Variants in CFHR4 observed in about 807,000 individuals in gnomAD.
CFHR4 encodes the protein complement factor H-related protein 4.
CFHR4 carries 64 observed loss-of-function variants against 69.3 expected under a neutral mutation model. That is an observed-to-expected ratio of 0.92 (90% CI 0.76 to 1.14). The LOEUF (loss-of-function observed/expected upper bound fraction) is 1.14. CFHR4 is among the 50% of genes most tolerant of loss of function. The pLI is 0.00. For synonymous variants in CFHR4, 244 were observed against 237.0 expected (o/e 1.03, Z -0.27); for missense variants, 636 against 684.9 (o/e 0.93, Z 0.80).
Position 196,907,450 on chromosome 1 carries a change from T to C in CFHR4, c.751T>C (p.Tyr251His). The change falls in exon 5 of 10, where the codon TAT (tyrosine) becomes CAT (histidine). Residue 251 changes from tyrosine (Y) to histidine (H), a missense_variant. By Grantham distance (83) the Tyr-to-His change is moderately conservative. Transcript: ENST00000608469. ...CTACTATGAACTTCAGGGTTCTAAA[T>C]ATGTAACATGTAGTAATGGAGACTG... ...QSYYELQGSK[Y>H]VTCSNGDWSE... 1 of 1,612,238 alleles carries C rather than the reference T, an allele frequency of 6.2e-7. No homozygotes were observed. Among genetic ancestry groups the C allele is most frequent in the Non-Finnish European group, 8.5e-7 (1 of 1,179,180 alleles).
intron 6 of CFHR4, among the ~76,000 whole-genome samples, chr1:196,911,224 G>T (rs1162551844): frequency 3.3e-5 from 5 of 151,502 alleles, no homozygotes; most frequent in Non-Finnish European, 5.9e-5. Flanking sequence ...CTAGCTTTCA[G>T]TTCCAAATGT....
At chr1:196,893,385 A>G (rs146467035) in intron 1 of CFHR4, among the ~76,000 whole-genome samples, 21 of 151,676 alleles carry the variant, frequency 1.4e-4, no homozygotes, top group African/African-American at 5.1e-4. Flanking sequence ...GGTGACCTTT[A>G]CAGATATTGC....
Position 196,905,008 on chromosome 1 carries a change from G to A in CFHR4, c.257-100G>A. The A allele has an allele frequency of 2.7e-6, 3 of 1,118,910 alleles. No individual in the cohort carries two copies. In the South Asian group the frequency reaches 5.2e-5, roughly 19 times the overall value. 69.3% of individuals were successfully genotyped at this position (1,118,910 alleles called of 1,614,324 possible). On this transcript the variant is annotated intron_variant, in intron 2 of 9. Coordinates refer to ENST00000608469, the MANE Select transcript of CFHR4 (RefSeq NM_001201550.3). ...TGCTGTTTTCAATTCATTAACAGATGTTTCATTGTTTCACCATACTGCCAT... is the reference window on the plus strand; with the variant it reads ...TGCTGTTTTCAATTCATTAACAGATATTTCATTGTTTCACCATACTGCCAT...
chr1:196,894,800 C>A (rs1439549208), intron 1 of CFHR4, among the ~76,000 whole-genome samples: 1 of 151,150 alleles, frequency 6.6e-6, no homozygotes, highest in African/African-American at 2.4e-5. Flanking sequence ...TCCTGTAACG[C>A]CAGCACTTTG....
Position 196,905,145 on chromosome 1 carries a change from A to G in CFHR4, c.294A>G (p.Gly98=), listed in dbSNP as rs778309042. 4 of 1,604,160 alleles carry G rather than the reference A, an allele frequency of 2.5e-6. No individual in the cohort carries two copies. In the African/African-American group the frequency reaches 5.4e-5, roughly 22 times the overall value. ...AATCAGATGTAGAAATTGAAAATGG[A>G]TTCATTTCTGAATCTTCCTCTATTT... The part of the protein sequence containing the change: ...CSKSDVEIEN[G]FISESSSIYI... Residue 98 remains glycine (G), a synonymous_variant, in exon 3 of 10, where the codon GGA becomes GGG. Coordinates refer to ENST00000608469, the MANE Select transcript of CFHR4 (RefSeq NM_001201550.3).
chr1:196,903,670 CAT>C (rs577170168), intron 2 of CFHR4, among the ~76,000 whole-genome samples: 94 of 149,692 alleles, frequency 6.3e-4, no homozygotes, highest in African/African-American at 2.0e-3. Context: ...GAAAAAAACA[CAT>C]ATATATATAT....
Position 196,910,322 on chromosome 1 carries a change from C to A in CFHR4, c.841C>A (p.Leu281Ile). The change falls in exon 6 of 10, where the codon CTA (leucine) becomes ATA (isoleucine). Residue 281 changes from leucine to isoleucine, a missense_variant. Coordinates refer to ENST00000608469, the MANE Select transcript of CFHR4 (RefSeq NM_001201550.3). ...GTTTCCAGAAATTCAACATGGACAT[C>A]TATATTATGAGAATACGCGTAGACC... ...CEFPEIQHGHLYYENTRRPYF... is the reference protein window; with the variant it reads ...CEFPEIQHGHIYYENTRRPYF... The A allele has an allele frequency of 6.2e-7, 1 of 1,607,810 alleles. No homozygotes were observed. Among genetic ancestry groups the A allele is most frequent in the Non-Finnish European group, 8.5e-7 (1 of 1,176,922 alleles).
chr1:196,906,783 T>C, intron 3 of CFHR4, 78 bp from the exon 4 acceptor site: 2 of 1,425,954 alleles, frequency 1.4e-6, no homozygotes, highest in East Asian at 2.4e-5. Flanking sequence ...TAAATTTTAT[T>C]CCTACAATGG....
intron 2 of CFHR4, 40 bp downstream of exon 2, chr1:196,902,655 G>T (rs1376757312): frequency 4.3e-6 from 6 of 1,402,182 alleles, no homozygotes; most frequent in Non-Finnish European, 6.0e-6. Context: ...CATAAAACTT[G>T]AAAAGAGTGA....
chr1:196,902,296 G>C, intron 1 of CFHR4, 122 bp from the exon 2 acceptor site: 1 of 694,132 alleles, frequency 1.4e-6, no homozygotes, highest in Non-Finnish European at 2.3e-6. Context: ...AACTTTTCTT[G>C]CCCTAAAACC....
At chr1:196,914,818 A>T in intron 8 of CFHR4, 138 bp from the exon 9 acceptor site, 4 of 1,507,758 alleles carry the variant, frequency 2.7e-6, no homozygotes, top group Non-Finnish European at 2.7e-6. Context: ...CTTAAAAAAA[A>T]AAAAAACAAC....
Position 196,888,083 on chromosome 1 carries a change from G to A in CFHR4, c.-68G>A. On this transcript the variant is annotated 5_prime_UTR_variant, in exon 1 of 10. The change abolishes an upstream ATG in the 5' untranslated region. Coordinates refer to ENST00000608469, the MANE Select transcript of CFHR4 (RefSeq NM_001201550.3). ...AGAATCACACTTGGTAACTAATAAT[G>A]AAAGATTTCAAACCCCAAACAGTGC... 1 of 1,509,610 alleles carries A rather than the reference G, an allele frequency of 6.6e-7. No homozygotes were observed. Among genetic ancestry groups the A allele is most frequent in the Non-Finnish European group, 9.2e-7 (1 of 1,090,298 alleles). 93.5% of individuals were successfully genotyped at this position (1,509,610 alleles called of 1,614,324 possible).
At chr1:196,900,473 T>G (rs1197168465) in intron 1 of CFHR4, among the ~76,000 whole-genome samples, 3 of 151,318 alleles carry the variant, frequency 2.0e-5, no homozygotes, top group African/African-American at 4.9e-5. Context: ...TTTTTGATTT[T>G]TTGAAAAGAA....
In CFHR4 at chr1:196,918,595, T is replaced by C; in HGVS notation, c.*189T>C. 1 of 575,298 alleles carries C rather than the reference T, an allele frequency of 1.7e-6. No homozygotes were observed. The highest frequency in any genetic ancestry group is 3.0e-6 in the Non-Finnish European group (1 of 334,492). The allele number at this position is 575,298 out of a possible 1,614,324, so 35.6% of individuals were successfully genotyped here. Reference sequence around the variant, plus strand: ...TTAAAACAAACTAAATTATTGCTTATGCTTGTACTAAAATAATAAAAACTA... The same window carrying C: ...TTAAAACAAACTAAATTATTGCTTACGCTTGTACTAAAATAATAAAAACTA... On this transcript the variant is annotated 3_prime_UTR_variant, in exon 10 of 10. Transcript: ENST00000608469.
chr1:196,893,958 C>T (rs910432611), intron 1 of CFHR4, among the ~76,000 whole-genome samples: 2 of 151,540 alleles, frequency 1.3e-5, no homozygotes, highest in African/African-American at 2.4e-5. Flanking sequence ...TCCATGATAA[C>T]TCTTAACAGC....
intron 1 of CFHR4, among the ~76,000 whole-genome samples, chr1:196,895,409 G>C (rs560580985): frequency 1.2e-4 from 18 of 151,442 alleles, no homozygotes; most frequent in African/African-American, 4.4e-4. Flanking sequence ...CACTTTGTGT[G>C]TGTTGGTCTG....
chr1:196,902,334 ATAATT>A (rs1256201213), intron 1 of CFHR4, 79 bp from the exon 2 acceptor site: 2 of 980,822 alleles, frequency 2.0e-6, no homozygotes, highest in African/African-American at 3.4e-5. Context: ...AGAAGAGAAT[ATAATT>A]TATTGATCAA....
At chr1:196,906,802 T>A in intron 3 of CFHR4, 59 bp from the exon 4 acceptor site, 1 of 1,514,170 alleles carries the variant, frequency 6.6e-7, no homozygotes, top group African/African-American at 1.4e-5. Flanking sequence ...GGGACTTTCT[T>A]AGTCGAGTTG....
rs962595170 is a variant in CFHR4 at position 196,892,697 on chromosome 1, C to T, written c.58+4489C>T. ...TACCATTTATCTCAAGAGAACTAAT[C>T]TTCAAAGGAAATAAAATCAGCAACA... On this transcript the variant is annotated intron_variant, in intron 1 of 9. Coordinates refer to ENST00000608469, the MANE Select transcript of CFHR4 (RefSeq NM_001201550.3). 4.0e-5 allele frequency among the ~76,000 whole-genome samples: 6 copies of T among 151,496 alleles called. No individual in the cohort carries two copies. The South Asian group carries it at 1.2e-3, about 31-fold the overall frequency.
Sources: gnomAD v4.1 joint callset for allele counts (sites outside exome capture counted in the v4.1 genomes callset) on GRCh38, gnomAD v4.1.1 for gene constraint, MANE v1.5 for transcripts, NCBI Gene and HGNC (gene_info 2026-07-23, HGNC 2026-07-21) for gene names.